PAM: variants seen among roughly 807,000 people sequenced by gnomAD.
PAM encodes peptidylglycine alpha-amidating monooxygenase, also known as peptidyl-glycine alpha-amidating monooxygenase.
PAM carries 72 observed loss-of-function variants against 122.1 expected under a neutral mutation model. The observed-to-expected ratio is 0.59, with a 90% CI of 0.49 to 0.72. The LOEUF (loss-of-function observed/expected upper bound fraction) is 0.72. Ranked by LOEUF, PAM falls within the 30% of genes least tolerant of loss-of-function variation. PAM has a pLI of 0.00. For synonymous variants in PAM, 389 were observed against 404.4 expected, an observed-to-expected ratio of 0.96 and a Z score of 0.46; for missense variants, 1,106 against 1,183.7, an observed-to-expected ratio of 0.93 and a Z score of 0.96.
At chr5:102,886,506 C>A (rs545373134) in intron 3 of PAM, among the ~76,000 whole-genome samples, 2 of 151,860 alleles carry the variant, frequency 1.3e-5, no homozygotes, top group East Asian at 3.9e-4. Context: ...TGCCATTGTT[C>A]TTTACATTCA....
At chr5:102,802,397 A>G (rs1765020804) in intron 1 of PAM, among the ~76,000 whole-genome samples, 1 of 152,182 alleles carries the variant, frequency 6.6e-6, no homozygotes, top group African/African-American at 2.4e-5. Context: ...CCTTTAAATG[A>G]AAGTGAAATT....
intron 8 of PAM, among the ~76,000 whole-genome samples, chr5:102,948,073 G>A (rs571504096): frequency 1.3e-5 from 2 of 152,208 alleles, no homozygotes; most frequent in Non-Finnish European, 2.9e-5. Flanking sequence ...TTTACTCAAA[G>A]TTTAATTTAA....
Position 103,028,083 on chromosome 5 carries a change from GCTTT to G in PAM, c.2690-101_2690-98del. On this transcript the variant is annotated intron_variant, in intron 24 of 25. Transcript: ENST00000438793. ...TGCATACAGACAAGAGCCAGGCCTTGCTTTATCATTTACCAGTTCCTATTTTAAG... is the reference window on the plus strand; with the variant it reads ...TGCATACAGACAAGAGCCAGGCCTTGATCATTTACCAGTTCCTATTTTAAG... 7.0e-6 allele frequency: 6 copies of G among 862,626 alleles called. No homozygotes were observed. In the East Asian group the frequency reaches 1.5e-4, roughly 21 times the overall value. 53.4% of individuals were successfully genotyped at this position (862,626 alleles called of 1,614,324 possible).
intron 3 of PAM, among the ~76,000 whole-genome samples, chr5:102,871,931 T>G (rs1481798288): frequency 6.6e-6 from 1 of 151,952 alleles, no homozygotes; most frequent in East Asian, 1.9e-4. Flanking sequence ...GCTTAAGAAC[T>G]TACAAGTGCA....
chr5:102,817,159 A>C (rs1481028500), intron 1 of PAM, among the ~76,000 whole-genome samples: 1 of 152,032 alleles, frequency 6.6e-6, no homozygotes, highest in East Asian at 1.9e-4. Flanking sequence ...TATACTCTTA[A>C]ATATTATTTG....
At chr5:102,995,181 C>A (rs764391781) in intron 16 of PAM, among the ~76,000 whole-genome samples, 12 of 152,080 alleles carry the variant, frequency 7.9e-5, no homozygotes, top group Admixed American at 3.3e-4. Flanking sequence ...GTTTAACTGG[C>A]CCTGGAGAAC....
intron 15 of PAM, among the ~76,000 whole-genome samples, chr5:102,985,227 G>A (rs1771378066): frequency 6.6e-6 from 1 of 151,118 alleles, no homozygotes; most frequent in South Asian, 2.1e-4. Flanking sequence ...AAAAAGAGCA[G>A]AACTAAATGA....
At chr5:102,780,719 AGGTTT>A in intron 1 of PAM, among the ~76,000 whole-genome samples, 1 of 152,232 alleles carries the variant, frequency 6.6e-6, no homozygotes, top group East Asian at 1.9e-4. Flanking sequence ...GCTCTAAGGC[AGGTTT>A]CTTAACCTCA....
intron 12 of PAM, among the ~76,000 whole-genome samples, chr5:102,953,420 A>C (rs1377654167): frequency 1.3e-5 from 2 of 152,306 alleles, no homozygotes; most frequent in Non-Finnish European, 2.9e-5. Context: ...AAGGTGGATG[A>C]ATCTGAAGGA....
At chr5:102,871,925 A>T (rs1787645416) in intron 3 of PAM, among the ~76,000 whole-genome samples, 1 of 151,916 alleles carries the variant, frequency 6.6e-6, no homozygotes, top group Non-Finnish European at 1.5e-5. Flanking sequence ...TTCTTAGCTT[A>T]AGAACTTACA....
intron 1 of PAM, among the ~76,000 whole-genome samples, chr5:102,846,037 G>C (rs1364523597): frequency 6.6e-6 from 1 of 152,096 alleles, no homozygotes; most frequent in Non-Finnish European, 1.5e-5. Context: ...CCACTAACCA[G>C]GCTTGTGTTT....
At chr5:103,002,746 T>C (rs753454070) in intron 16 of PAM, among the ~76,000 whole-genome samples, 21 of 152,166 alleles carry the variant, frequency 1.4e-4, no homozygotes, top group South Asian at 2.1e-4. Context: ...CCAGTGAGCA[T>C]AGGAACCACC....
chr5:103,019,653 A>T, intron 22 of PAM, 137 bp from the exon 23 acceptor site: 1 of 655,294 alleles, frequency 1.5e-6, no homozygotes, highest in East Asian at 2.8e-5. Flanking sequence ...TTTGTATTGA[A>T]CTCTTTCCTA....
chr5:102,877,427 C>T (rs573455938), intron 3 of PAM, among the ~76,000 whole-genome samples: 1 of 152,236 alleles, frequency 6.6e-6, no homozygotes, highest in Admixed American at 6.5e-5. Context: ...TTTTCTAGAG[C>T]ACATTATGGA....
intron 4 of PAM, among the ~76,000 whole-genome samples, chr5:102,908,733 AAT>A (rs1003465985): frequency 1.6e-4 from 25 of 151,822 alleles, no homozygotes; most frequent in African/African-American, 6.0e-4. Flanking sequence ...AAGAAAAAAA[AAT>A]AATAAATAAA....
At chr5:102,759,119 A>C (rs1751558760) in intron 1 of PAM, among the ~76,000 whole-genome samples, 1 of 152,226 alleles carries the variant, frequency 6.6e-6, no homozygotes, top group African/African-American at 2.4e-5. Flanking sequence ...TTATAAAGAA[A>C]ATTTTTAAAA....
chr5:102,764,584 C>T (rs1445150895), intron 1 of PAM, among the ~76,000 whole-genome samples: 4 of 152,020 alleles, frequency 2.6e-5, no homozygotes. Flanking sequence ...AAATACGGGG[C>T]GTGAGGGAAG....
chr5:102,871,585 A>G (rs1275660870), intron 3 of PAM, among the ~76,000 whole-genome samples: 1 of 151,278 alleles, frequency 6.6e-6, no homozygotes, highest in African/African-American at 2.4e-5. Context: ...AATAAAAGGA[A>G]CACTGAGAAT....
intron 16 of PAM, among the ~76,000 whole-genome samples, chr5:102,997,506 C>A (rs2150923996): frequency 6.6e-6 from 1 of 152,046 alleles, no homozygotes; most frequent in Non-Finnish European, 1.5e-5. Context: ...GCAACAGAGA[C>A]CCTGTCTCAA....
Sources: allele counts gnomAD v4.1 joint callset (sites outside exome capture counted in the v4.1 genomes callset), GRCh38; gene constraint gnomAD v4.1.1; transcripts MANE v1.5; gene names NCBI Gene and HGNC (gene_info 2026-07-23, HGNC 2026-07-21).